CAMK4: variants seen among roughly 807,000 people sequenced by gnomAD.
CAMK4 encodes calcium/calmodulin dependent protein kinase IV.
CAMK4 carries 22 observed loss-of-function variants against 44.9 expected under a neutral mutation model. The ratio of observed to expected loss-of-function variants is 0.49; its 90% CI spans 0.35 to 0.70. CAMK4 has a LOEUF of 0.70. CAMK4 is among the 30% of genes least tolerant of loss of function. CAMK4 has a pLI of 0.01. For missense variants in CAMK4, 498 were observed against 586.8 expected, an observed-to-expected ratio of 0.85 and a Z score of 1.56; for synonymous variants, 218 against 215.4, an observed-to-expected ratio of 1.01 and a Z score of -0.11.
intron 5 of CAMK4, among the ~76,000 whole-genome samples, chr5:111,443,310 ACACACT>A (rs1185754982): frequency 1.7e-5 from 2 of 120,956 alleles, no homozygotes; most frequent in Admixed American, 1.8e-4. Flanking sequence ...ACACACACAC[ACACACT>A]ATATATATAT....
chr5:111,367,612 C>T (rs960082150), intron 2 of CAMK4, among the ~76,000 whole-genome samples: 18 of 152,042 alleles, frequency 1.2e-4, no homozygotes, highest in African/African-American at 3.4e-4. Flanking sequence ...CAAGCATATG[C>T]CTAAAATTTC....
At chr5:111,333,262 C>G (rs575480749) in intron 1 of CAMK4, among the ~76,000 whole-genome samples, 1 of 151,620 alleles carries the variant, frequency 6.6e-6, no homozygotes, top group African/African-American at 2.4e-5. Flanking sequence ...TGTATTATAA[C>G]ATTAAATGGT....
At chr5:111,441,495 TTAGCA>T (rs1384379741) in intron 5 of CAMK4, among the ~76,000 whole-genome samples, 3 of 152,204 alleles carry the variant, frequency 2.0e-5, no homozygotes, top group Non-Finnish European at 4.4e-5. Context: ...TTATTAAAGG[TTAGCA>T]TTTGTCAAGA....
chr5:111,241,090 A>G (rs74445744), intron 1 of CAMK4, among the ~76,000 whole-genome samples: 82 of 152,126 alleles, frequency 5.4e-4, no homozygotes, highest in African/African-American at 1.9e-3. Flanking sequence ...CTATGCACAC[A>G]CTGCAAATTT....
intron 1 of CAMK4, among the ~76,000 whole-genome samples, chr5:111,251,084 AG>A (rs1465426327): frequency 2.0e-5 from 3 of 152,208 alleles, no homozygotes; most frequent in Admixed American, 6.5e-5. Context: ...TGGCTTCAAA[AG>A]TGGGAGACAT....
chr5:111,385,612 C>T (rs1226209694), intron 4 of CAMK4, among the ~76,000 whole-genome samples: 1 of 152,028 alleles, frequency 6.6e-6, no homozygotes, highest in Non-Finnish European at 1.5e-5. Context: ...CTCCCTCTGT[C>T]GCCCAGGCTG....
At chr5:111,314,056 G>T (rs1165401744) in intron 1 of CAMK4, among the ~76,000 whole-genome samples, 1 of 151,940 alleles carries the variant, frequency 6.6e-6, no homozygotes, top group Non-Finnish European at 1.5e-5. Context: ...TTCTGTAGAA[G>T]CCACTCCCCA....
intron 5 of CAMK4, among the ~76,000 whole-genome samples, chr5:111,403,848 T>C (rs998457102): frequency 2.0e-5 from 3 of 152,210 alleles, no homozygotes; most frequent in Admixed American, 2.0e-4. Flanking sequence ...TACCGAATTC[T>C]GCCTACATGG....
intron 1 of CAMK4, among the ~76,000 whole-genome samples, chr5:111,336,777 A>G (rs1039873276): frequency 2.0e-5 from 3 of 151,162 alleles, no homozygotes; most frequent in Non-Finnish European, 3.0e-5. Flanking sequence ...AAGAATGAAA[A>G]TTAGATTTTT....
chr5:111,396,313 T>A (rs533618249), intron 5 of CAMK4, among the ~76,000 whole-genome samples: 6 of 152,162 alleles, frequency 3.9e-5, no homozygotes, highest in Non-Finnish European at 8.8e-5. Flanking sequence ...GAATAAAACC[T>A]GGAGAGGATG....
chr5:111,419,422 T>C (rs1357598977), intron 5 of CAMK4, among the ~76,000 whole-genome samples: 1 of 152,240 alleles, frequency 6.6e-6, no homozygotes, highest in Non-Finnish European at 1.5e-5. Context: ...TAGTTTCTTT[T>C]GCTGTGCAGA....
At chr5:111,343,992 A>G in intron 1 of CAMK4, 32 bp from the exon 2 acceptor site, 1 of 1,306,906 alleles carries the variant, frequency 7.7e-7, no homozygotes, top group Non-Finnish European at 1.1e-6. Context: ...TCCAAAGCAT[A>G]ACATTTTCTT....
intron 1 of CAMK4, among the ~76,000 whole-genome samples, chr5:111,289,845 T>C (rs1231710548): frequency 2.6e-5 from 4 of 152,240 alleles, no homozygotes; most frequent in African/African-American, 9.6e-5. Context: ...GCAGAAATGC[T>C]AGCTCTCAGG....
chr5:111,263,491 C>G (rs988572218), intron 1 of CAMK4, among the ~76,000 whole-genome samples: 5 of 152,262 alleles, frequency 3.3e-5, no homozygotes, highest in South Asian at 2.1e-4. Context: ...TCTGTTATTA[C>G]TCCCACAGCA....
At chr5:111,478,640 A>C (rs543009788) in intron 9 of CAMK4, 133 bp downstream of exon 9, 52 of 463,668 alleles carry the variant, frequency 1.1e-4, no homozygotes, top group African/African-American at 1.0e-3. Context: ...TATTTTAATA[A>C]AATTAGTTCA....
At chr5:111,407,347 TAA>T (rs11410135) in intron 5 of CAMK4, among the ~76,000 whole-genome samples, 1 of 136,718 alleles carries the variant, frequency 7.3e-6, no homozygotes, top group Non-Finnish European at 1.6e-5. Context: ...AGAGACTCCT[TAA>T]AAAAAAAAAA....
chr5:111,346,050 A>G (rs181334699), intron 2 of CAMK4, among the ~76,000 whole-genome samples: 41 of 152,088 alleles, frequency 2.7e-4, no homozygotes, highest in Non-Finnish European at 4.6e-4. Context: ...AGGATAAATC[A>G]TGCACAGAGA....
intron 7 of CAMK4, among the ~76,000 whole-genome samples, chr5:111,455,463 G>A (rs962052736): frequency 5.3e-5 from 8 of 152,182 alleles, no homozygotes; most frequent in African/African-American, 1.7e-4. Context: ...GCTATTGAAT[G>A]TGAAGGCATG....
rs115579116 is a variant in CAMK4 at position 111,240,935 on chromosome 5, G to C, written c.161+16291G>C. Among the ~76,000 whole-genome samples, 344 of 152,288 alleles carry C rather than the reference G, an allele frequency of 2.3e-3. 3 individuals carry two copies. Among genetic ancestry groups the C allele is most frequent in the African/African-American group, 8.0e-3 (333 of 41,564 alleles). ...AGATACATTCCAACTCTGGTACCTA[G>C]TAGCTGTTTATTGTTAATGAATCTT... On this transcript the variant is annotated intron_variant, in intron 1 of 10. Coordinates refer to ENST00000282356, the MANE Select transcript of CAMK4 (RefSeq NM_001744.6).
Sources: gnomAD v4.1 joint callset for allele counts (sites outside exome capture counted in the v4.1 genomes callset) on GRCh38, gnomAD v4.1.1 for gene constraint, MANE v1.5 for transcripts, NCBI Gene and HGNC (gene_info 2026-07-23, HGNC 2026-07-21) for gene names.